The following MAD1L1 variants were observed in gnomAD, a reference collection of about 807,000 sequenced individuals.
MAD1L1 encodes the protein mitotic arrest deficient 1 like 1, also known as mitotic spindle assembly checkpoint protein MAD1.
Under a neutral mutation model 96.9 loss-of-function variants are expected in MAD1L1, and 95 were observed. The observed-to-expected ratio is 0.98, with a 90% CI of 0.83 to 1.16. MAD1L1 has a LOEUF of 1.16. MAD1L1 is among the 50% of genes most tolerant of loss of function. MAD1L1 has a pLI of 0.00. For synonymous variants in MAD1L1, 473 were observed against 396.6 expected (o/e 1.19, Z -2.29); for missense variants, 1,007 against 954.4 (o/e 1.06, Z -0.73).
chr7:1,826,125 G>A (rs1176905238), intron 18 of MAD1L1, among the ~76,000 whole-genome samples: 5 of 152,174 alleles, frequency 3.3e-5, no homozygotes, highest in African/African-American at 1.2e-4. Flanking sequence ...TGTTAGACCG[G>A]GATACCGAGG....
chr7:2,128,356 C>T (rs62443000), intron 11 of MAD1L1, among the ~76,000 whole-genome samples: 168 of 152,232 alleles, frequency 1.1e-3, no homozygotes, highest in Middle Eastern at 3.4e-3. Context: ...AGCCCTGGTG[C>T]CAGAAAGAGA....
At chr7:1,912,691 T>A (rs1349461918) in intron 17 of MAD1L1, among the ~76,000 whole-genome samples, 3 of 152,124 alleles carry the variant, frequency 2.0e-5, no homozygotes, top group African/African-American at 7.2e-5. Context: ...AGGGCCCCTG[T>A]GCAGGCAGGG....
Position 2,215,914 on chromosome 7 carries a change from T to A in MAD1L1, c.895A>T (p.Thr299Ser). 1 of 1,614,066 alleles carries A rather than the reference T, an allele frequency of 6.2e-7. No homozygotes were observed. The highest frequency in any genetic ancestry group is 1.6e-4 in the Middle Eastern group (1 of 6,062). The change falls in exon 9 of 19, where the codon ACG (threonine) becomes TCG (serine). Residue 299 changes from threonine to serine, a missense_variant. Coordinates refer to ENST00000265854, the MANE Select transcript of MAD1L1 (RefSeq NM_001013836.2). Reference protein sequence around the residue: ...KLGRQEKMQETLVGLELENER... With the variant: ...KLGRQEKMQESLVGLELENER... The stretch of plus-strand genomic sequence containing the variant: ...TTCTCCAGCTCCAAGCCAACCAGCG[T>A]CTCCTGCATCTTCTCCTGGCGCCCC...
intron 15 of MAD1L1, among the ~76,000 whole-genome samples, chr7:1,971,785 A>C (rs1462909243): frequency 2.6e-5 from 4 of 152,186 alleles, no homozygotes; most frequent in Non-Finnish European, 5.9e-5. Flanking sequence ...AGAAAAGCTG[A>C]ATCCCACGCC....
intron 10 of MAD1L1, among the ~76,000 whole-genome samples, chr7:2,210,591 G>A (rs879491638): frequency 1.8e-4 from 28 of 151,426 alleles, no homozygotes; most frequent in Non-Finnish European, 2.4e-4. Context: ...CGTGGACTGC[G>A]GCATGAGCAC....
At chr7:1,988,708 C>T (rs1001690489) in intron 14 of MAD1L1, among the ~76,000 whole-genome samples, 1 of 152,172 alleles carries the variant, frequency 6.6e-6, no homozygotes, top group Non-Finnish European at 1.5e-5. Flanking sequence ...TGGGAAGGGC[C>T]GTGATCCCAC....
chr7:2,116,295 G>GA (rs953394144), intron 11 of MAD1L1, among the ~76,000 whole-genome samples: 1 of 152,168 alleles, frequency 6.6e-6, no homozygotes, highest in Non-Finnish European at 1.5e-5. Context: ...CCGGGAGGAC[G>GA]AACAAGACTC....
chr7:1,981,479 C>T (rs538150923), intron 14 of MAD1L1, among the ~76,000 whole-genome samples: 6 of 152,270 alleles, frequency 3.9e-5, no homozygotes, highest in African/African-American at 7.2e-5. Flanking sequence ...CACCCAGAGA[C>T]GCCCCTCACC....
chr7:2,145,082 G>C (rs1789228846), intron 11 of MAD1L1, among the ~76,000 whole-genome samples: 1 of 152,152 alleles, frequency 6.6e-6, no homozygotes, highest in Non-Finnish European at 1.5e-5. Flanking sequence ...GTGCCCTGTA[G>C]GCTGCCCCGC....
At chr7:1,909,901 C>T (rs1020892583) in intron 17 of MAD1L1, among the ~76,000 whole-genome samples, 21 of 152,212 alleles carry the variant, frequency 1.4e-4, no homozygotes, top group African/African-American at 5.1e-4. Flanking sequence ...CCTGGAATTA[C>T]ACACGGAGGA....
chr7:2,027,012 A>G lies in MAD1L1; in HGVS notation c.1219-12370T>C, dbSNP rs553752124. ...TTGATGAGACAGATTACAAAGAATA[A>G]GCAAATAACAATATTGAAAAAGACA... On this transcript the variant is annotated intron_variant, in intron 12 of 18. Transcript: ENST00000265854. 3.4e-4 allele frequency among the ~76,000 whole-genome samples: 52 copies of G among 152,180 alleles called. 1 individual carries two copies. The highest frequency in any genetic ancestry group is 2.6e-3 in the Admixed American group (39 of 15,284).
intron 18 of MAD1L1, among the ~76,000 whole-genome samples, chr7:1,842,262 A>G (rs554970348): frequency 9.9e-4 from 150 of 152,198 alleles, no homozygotes; most frequent in South Asian, 1.7e-3. Context: ...GACAGATTTC[A>G]CTTTTCACAG....
At chr7:2,165,076 C>T (rs753648487) in intron 10 of MAD1L1, among the ~76,000 whole-genome samples, 5 of 152,076 alleles carry the variant, frequency 3.3e-5, no homozygotes, top group Non-Finnish European at 7.4e-5. Context: ...CAGTGGCTCA[C>T]GCCTGTCATC....
intron 16 of MAD1L1, 53 bp downstream of exon 16, chr7:1,957,576 A>T: frequency 6.4e-7 from 1 of 1,570,862 alleles, no homozygotes; most frequent in East Asian, 2.2e-5. Flanking sequence ...CACGACGCCC[A>T]AAGAAATGAG....
chr7:2,203,040 C>T (rs1221232672), intron 10 of MAD1L1, among the ~76,000 whole-genome samples: 2 of 152,378 alleles, frequency 1.3e-5, no homozygotes, highest in Middle Eastern at 3.4e-3. Context: ...CCCACCTCCC[C>T]AGCCCAGCCT....
chr7:2,047,007 C>T (rs975132988), intron 12 of MAD1L1, among the ~76,000 whole-genome samples: 3 of 152,326 alleles, frequency 2.0e-5, no homozygotes, highest in Middle Eastern at 3.4e-3. Flanking sequence ...TGGCCACCAG[C>T]GCGCACATCC....
At chr7:1,982,344 G>A (rs1780943303) in intron 14 of MAD1L1, among the ~76,000 whole-genome samples, 1 of 152,100 alleles carries the variant, frequency 6.6e-6, no homozygotes, top group East Asian at 1.9e-4. Flanking sequence ...AAGTTGCTGG[G>A]ATTACAGGTG....
chr7:2,177,137 C>T (rs1484359349), intron 10 of MAD1L1, among the ~76,000 whole-genome samples: 1 of 152,222 alleles, frequency 6.6e-6, no homozygotes, highest in Admixed American at 6.5e-5. Flanking sequence ...ATGAAATAGT[C>T]TGGTCAAGTT....
chr7:2,002,940 C>T (rs1249666692), intron 13 of MAD1L1, among the ~76,000 whole-genome samples: 4 of 152,242 alleles, frequency 2.6e-5, no homozygotes, highest in Non-Finnish European at 4.4e-5. Flanking sequence ...CTCCTTCCCA[C>T]GACCCCGCTT....
Sources: allele counts gnomAD v4.1 joint callset (sites outside exome capture counted in the v4.1 genomes callset), GRCh38; gene constraint gnomAD v4.1.1; transcripts MANE v1.5; gene names NCBI Gene and HGNC (gene_info 2026-07-23, HGNC 2026-07-21).